Variants in MAGI2 observed in about 807,000 individuals in gnomAD.
MAGI2 encodes membrane associated guanylate kinase, WW and PDZ domain containing 2, also known as membrane-associated guanylate kinase, WW and PDZ domain-containing protein 2.
MAGI2 carries 35 observed loss-of-function variants against 133.3 expected under a neutral mutation model. The ratio of observed to expected loss-of-function variants is 0.26; its 90% confidence interval spans 0.20 to 0.35. The LOEUF (loss-of-function observed/expected upper bound fraction) is 0.35, where lower values mean the gene tolerates loss of function less well. Among genes scored for constraint, MAGI2 ranks in the 10% least tolerant of loss-of-function variants. The pLI, the probability that MAGI2 is intolerant of heterozygous loss-of-function variation, is 1.00. For missense variants in MAGI2, 1,636 were observed against 1,863.4 expected, an observed-to-expected ratio of 0.88 and a Z score of 2.25; for synonymous variants, 729 against 710.6, an observed-to-expected ratio of 1.03 and a Z score of -0.41.
intron 2 of MAGI2, among the ~76,000 whole-genome samples, chr7:78,870,373 T>C (rs1472958834): frequency 7.8e-6 from 1 of 128,594 alleles, no homozygotes; most frequent in Non-Finnish European, 1.7e-5. Flanking sequence ...AAAAAAAAAA[T>C]AGTAGTAGGC....
At chr7:78,027,162 G>A (rs1298850601) in intron 21 of MAGI2, among the ~76,000 whole-genome samples, 1 of 152,172 alleles carries the variant, frequency 6.6e-6, no homozygotes, top group African/African-American at 2.4e-5. Flanking sequence ...GTCTGATTGA[G>A]AAATGAGGGC....
chr7:78,490,085 G>C, intron 5 of MAGI2: 1 of 460,150 alleles, frequency 2.2e-6, no homozygotes, highest in Non-Finnish European at 3.8e-6. Context: ...ATGTTGCCAA[G>C]TTAACCTCAT....
chr7:78,446,715 A>AT (rs71085532), intron 6 of MAGI2, among the ~76,000 whole-genome samples: 130,870 of 151,996 alleles, frequency 0.86, 56,574 homozygotes, highest in Middle Eastern at 0.94. Flanking sequence ...AAGGTTCATT[A>AT]ATACTCACAT....
intron 10 of MAGI2, chr7:78,253,177 A>G (rs1292311152): frequency 6.6e-6 from 1 of 152,212 alleles, no homozygotes; most frequent in East Asian, 1.9e-4. Context: ...TCAAATGTCC[A>G]TACACTAATG....
intron 1 of MAGI2, among the ~76,000 whole-genome samples, chr7:79,020,624 G>C (rs1181766046): frequency 6.6e-6 from 1 of 152,044 alleles, no homozygotes; most frequent in Admixed American, 6.6e-5. Context: ...AAATTAGCTG[G>C]ACATGGTGGC....
chr7:78,826,426 G>A (rs1057410887), intron 2 of MAGI2, among the ~76,000 whole-genome samples: 3 of 151,506 alleles, frequency 2.0e-5, no homozygotes, highest in Non-Finnish European at 2.9e-5. Flanking sequence ...CATACTGTAG[G>A]ATCCTAATTT....
At chr7:78,777,731 C>G (rs1177431345) in intron 2 of MAGI2, among the ~76,000 whole-genome samples, 3 of 152,090 alleles carry the variant, frequency 2.0e-5, no homozygotes, top group African/African-American at 7.2e-5. Flanking sequence ...ATAAAACACA[C>G]TATCATATTA....
intron 1 of MAGI2, among the ~76,000 whole-genome samples, chr7:79,320,101 T>A (rs1179879017): frequency 6.6e-6 from 1 of 152,120 alleles, no homozygotes; most frequent in Non-Finnish European, 1.5e-5. Context: ...ATATTCTAAA[T>A]GATTATCAGA....
At chr7:78,071,503 C>G (rs111520836) in intron 21 of MAGI2, among the ~76,000 whole-genome samples, 1 of 152,122 alleles carries the variant, frequency 6.6e-6, no homozygotes, top group Admixed American at 6.5e-5. Flanking sequence ...CACCGTTGTA[C>G]TCCAGCCTGG....
intron 16 of MAGI2, among the ~76,000 whole-genome samples, chr7:78,144,815 T>C (rs6466052): frequency 0.38 from 57,895 of 151,930 alleles, 12,276 homozygotes; most frequent in African/African-American, 0.58. Flanking sequence ...GTTTGTTACA[T>C]AGGTATGCGT....
intron 2 of MAGI2, among the ~76,000 whole-genome samples, chr7:78,712,257 T>G (rs1326995100): frequency 6.6e-6 from 1 of 152,192 alleles, no homozygotes; most frequent in African/African-American, 2.4e-5. Context: ...GATGGAAAGA[T>G]GACTAGATAA....
chr7:78,852,118 G>C (rs1255071630), intron 2 of MAGI2, among the ~76,000 whole-genome samples: 1 of 152,008 alleles, frequency 6.6e-6, no homozygotes, highest in Non-Finnish European at 1.5e-5. Context: ...GGGTTTATTT[G>C]TATTTATTAT....
At chr7:79,257,776 T>C (rs1284208547) in intron 1 of MAGI2, among the ~76,000 whole-genome samples, 2 of 152,112 alleles carry the variant, frequency 1.3e-5, no homozygotes, top group Non-Finnish European at 2.9e-5. Context: ...ATTTGCTGGA[T>C]GGTGCCTATG....
rs191561938 is a variant in MAGI2, at chr7:78,893,885, A to T, written c.418+113205T>A. Among the ~76,000 whole-genome samples, 1,058 of 152,288 alleles carry T rather than the reference A, an allele frequency of 6.9e-3. 6 individuals carry two copies. Among genetic ancestry groups the T allele is most frequent in the African/African-American group, 0.024 (1,009 of 41,558 alleles). ...AAAACTTAAAGTATAATAATAATAAAAAAAAGAATTTCCAAATCACTTTTC... is the reference window on the plus strand; with the variant it reads ...AAAACTTAAAGTATAATAATAATAATAAAAAGAATTTCCAAATCACTTTTC... On this transcript the variant is annotated intron_variant, in intron 2 of 21. Transcript: ENST00000354212.
At chr7:78,923,862 T>A (rs1248866385) in intron 2 of MAGI2, among the ~76,000 whole-genome samples, 1 of 152,190 alleles carries the variant, frequency 6.6e-6, no homozygotes, top group Non-Finnish European at 1.5e-5. Context: ...TATCCTCTTT[T>A]ATTTCATTGA....
intron 2 of MAGI2, among the ~76,000 whole-genome samples, chr7:78,635,385 T>C (rs902447231): frequency 2.0e-5 from 3 of 152,382 alleles, no homozygotes; most frequent in East Asian, 3.9e-4. Context: ...AAAATACTTT[T>C]CTTCAAAAGA....
At chr7:78,904,622 T>C (rs940206938) in intron 2 of MAGI2, among the ~76,000 whole-genome samples, 12 of 150,302 alleles carry the variant, frequency 8.0e-5, no homozygotes, top group African/African-American at 2.7e-4. Context: ...CTCAGCCTCC[T>C]GAGGACTACA....
chr7:78,118,882 C>T (rs137896868), intron 20 of MAGI2, among the ~76,000 whole-genome samples: 2 of 152,300 alleles, frequency 1.3e-5, no homozygotes, highest in East Asian at 3.9e-4. Flanking sequence ...AACTTATGTC[C>T]ACACAAAAAT....
chr7:78,592,828 CTTTTTTT>C (rs10675572), intron 3 of MAGI2, among the ~76,000 whole-genome samples: 114 of 106,848 alleles, frequency 1.1e-3, no homozygotes, highest in Middle Eastern at 4.5e-3. Flanking sequence ...TACTGATTCT[CTTTTTTT>C]TTTTTTTTTT....
Sources: allele counts gnomAD v4.1 joint callset (sites outside exome capture counted in the v4.1 genomes callset), GRCh38; gene constraint gnomAD v4.1.1; transcripts MANE v1.5; gene names NCBI Gene and HGNC (gene_info 2026-07-23, HGNC 2026-07-21).